Variants in CCBE1 observed in about 807,000 individuals in gnomAD.
CCBE1 encodes the protein collagen and calcium-binding EGF domain-containing protein 1.
A neutral mutation model predicts 50.0 loss-of-function variants in CCBE1; 37 were observed. The ratio of observed to expected loss-of-function variants is 0.74; its 90% CI spans 0.57 to 0.97. CCBE1 has a LOEUF of 0.97. Among genes scored for constraint, CCBE1 ranks in the 50% least tolerant of loss-of-function variants. The probability of loss-of-function intolerance (pLI) is 0.00; values close to 1 mark genes in which losing one functional copy is unlikely to be tolerated. For missense variants in CCBE1, 538 were observed against 523.8 expected (o/e 1.03, Z -0.26); for synonymous variants, 234 against 203.7 (o/e 1.15, Z -1.27).
chr18:59,573,301 ATG>A lies in CCBE1; in HGVS notation c.213-93065_213-93064del, dbSNP rs71177043. ...CTCCGTCTAATATATATATATATAT[ATG>A]TATGTATGTGATAGGCCTCATCCAA... On this transcript the variant is annotated intron_variant, in intron 2 of 10. Coordinates refer to ENST00000439986, the MANE Select transcript of CCBE1 (RefSeq NM_133459.4). Among the ~76,000 whole-genome samples, 906 of 122,666 alleles carry A rather than the reference ATG, an allele frequency of 7.4e-3. 49 individuals carry two copies. The highest frequency in any genetic ancestry group is 0.037 in the African/African-American group (857 of 23,104). 80.5% of individuals were successfully genotyped at this position (122,666 alleles called of 152,430 possible).
intron 2 of CCBE1, among the ~76,000 whole-genome samples, chr18:59,653,190 A>G (rs1021095726): frequency 6.6e-6 from 1 of 152,140 alleles, no homozygotes; most frequent in Non-Finnish European, 1.5e-5. Context: ...AGCCCTCTCC[A>G]AGAAGGACAT....
chr18:59,523,996 C>T (rs754481982), intron 2 of CCBE1, among the ~76,000 whole-genome samples: 10 of 152,140 alleles, frequency 6.6e-5, no homozygotes, highest in African/African-American at 1.4e-4. Context: ...GCTCCTTTAC[C>T]GAAACAAGCC....
chr18:59,697,499 A>C, upstream of CCBE1: 12 of 953,854 alleles, frequency 1.3e-5, no homozygotes, highest in East Asian at 2.7e-5. Flanking sequence ...CCGGAATATT[A>C]TGGGGCTGGG....
In CCBE1 at chr18:59,591,016, G is replaced by T. The variant is rs532387452; in HGVS notation, c.212+105613C>A. Among the ~76,000 whole-genome samples the T allele has an allele frequency of 6.1e-5, 2 of 32,628 alleles. 1 individual carries two copies. The highest frequency in any genetic ancestry group is 4.9e-3 in the East Asian group (2 of 410). The allele number at this position is 32,628 out of a possible 152,430, so 21.4% of individuals were successfully genotyped here. Reference sequence around the variant, plus strand: ...TCCCAGCACTTTGGGAGGCCGAGGCGGGTGGATCACGAGGTCAGGAGATCG... The same window carrying T: ...TCCCAGCACTTTGGGAGGCCGAGGCTGGTGGATCACGAGGTCAGGAGATCG... On this transcript the variant is annotated intron_variant, in intron 2 of 10. Coordinates refer to ENST00000439986, the MANE Select transcript of CCBE1 (RefSeq NM_133459.4).
chr18:59,676,035 G>T (rs2054497306), intron 2 of CCBE1, among the ~76,000 whole-genome samples: 1 of 152,172 alleles, frequency 6.6e-6, no homozygotes, highest in East Asian at 1.9e-4. Flanking sequence ...AAAACAGCAA[G>T]AACTATAATC....
chr18:59,463,723 C>T (rs976328505), intron 5 of CCBE1, among the ~76,000 whole-genome samples: 2 of 152,182 alleles, frequency 1.3e-5, no homozygotes, highest in African/African-American at 2.4e-5. Flanking sequence ...CTCAACCTAA[C>T]CCCCAGCAGT....
chr18:59,695,274 G>A (rs1235030916), intron 2 of CCBE1, among the ~76,000 whole-genome samples: 1 of 152,118 alleles, frequency 6.6e-6, no homozygotes, highest in Non-Finnish European at 1.5e-5. Flanking sequence ...TGAAAGACAC[G>A]GCTGGAACCA....
intron 2 of CCBE1, among the ~76,000 whole-genome samples, chr18:59,632,562 C>T (rs1225922606): frequency 6.6e-6 from 1 of 151,978 alleles, no homozygotes; most frequent in Admixed American, 6.6e-5. Context: ...GCGTGAGCCA[C>T]TGTGCCCAGC....
chr18:59,630,902 T>C (rs1042716006), intron 2 of CCBE1, among the ~76,000 whole-genome samples: 10 of 152,220 alleles, frequency 6.6e-5, no homozygotes, highest in African/African-American at 2.4e-4. Flanking sequence ...GATCTAGCAA[T>C]GTGCAAACAC....
intron 2 of CCBE1, among the ~76,000 whole-genome samples, chr18:59,531,437 A>G (rs1014054273): frequency 2.0e-5 from 3 of 152,164 alleles, no homozygotes; most frequent in Non-Finnish European, 4.4e-5. Flanking sequence ...GTGAGAGAGG[A>G]GCCAAAAAAA....
At position 59,585,280 on chromosome 18, in the gene CCBE1, C is replaced by A. The variant is rs375263955; in HGVS notation, c.213-105042G>T. 1.8e-4 allele frequency among the ~76,000 whole-genome samples: 28 copies of A among 152,070 alleles called. 1 individual carries two copies. The highest frequency in any genetic ancestry group is 1.2e-3 in the Admixed American group (19 of 15,274). On this transcript the variant is annotated intron_variant, in intron 2 of 10. Transcript: ENST00000439986. ...TCTCTCTGTTACAAGCCCTCTTATC[C>A]CCCATGTAATCACCTTCATGGCACT...
At chr18:59,621,021 C>T (rs1599071407) in intron 2 of CCBE1, among the ~76,000 whole-genome samples, 1 of 152,172 alleles carries the variant, frequency 6.6e-6, no homozygotes, top group Non-Finnish European at 1.5e-5. Context: ...CAGAGTTCAA[C>T]TTGGCATGTG....
intron 2 of CCBE1, among the ~76,000 whole-genome samples, chr18:59,506,564 G>T (rs775271221): frequency 1.1e-4 from 16 of 152,204 alleles, no homozygotes; most frequent in Non-Finnish European, 2.2e-4. Context: ...TCAAAGGATA[G>T]AGCCCATCTG....
intron 2 of CCBE1, among the ~76,000 whole-genome samples, chr18:59,622,616 C>T (rs942686721): frequency 2.6e-5 from 4 of 151,638 alleles, no homozygotes; most frequent in Admixed American, 1.3e-4. Context: ...GCCTGACCAA[C>T]GTGGTGAAAC....
At chr18:59,548,954 T>G (rs1168975344) in intron 2 of CCBE1, among the ~76,000 whole-genome samples, 2 of 151,902 alleles carry the variant, frequency 1.3e-5, no homozygotes, top group East Asian at 3.9e-4. Context: ...AATACAAAAA[T>G]TAGCCGGGCA....
chr18:59,628,049 C>T (rs2053809651), intron 2 of CCBE1, among the ~76,000 whole-genome samples: 1 of 151,990 alleles, frequency 6.6e-6, no homozygotes, highest in Non-Finnish European at 1.5e-5. Context: ...CCCGTCTCTA[C>T]AAAAAATACA....
intron 2 of CCBE1, among the ~76,000 whole-genome samples, chr18:59,605,225 T>C (rs915737368): frequency 1.3e-5 from 2 of 152,210 alleles, no homozygotes; most frequent in African/African-American, 4.8e-5. Context: ...TTTGATCTTT[T>C]TGATAAAACA....
chr18:59,677,850 T>G (rs908978744), intron 2 of CCBE1, among the ~76,000 whole-genome samples: 1 of 151,266 alleles, frequency 6.6e-6, no homozygotes, highest in Admixed American at 6.6e-5. Context: ...CAAAAGGGAG[T>G]GAGTGGGGAT....
intron 2 of CCBE1, among the ~76,000 whole-genome samples, chr18:59,509,970 C>T (rs1914061335): frequency 6.6e-6 from 1 of 152,184 alleles, no homozygotes; most frequent in Non-Finnish European, 1.5e-5. Flanking sequence ...GGACACCAGG[C>T]TGCCAGAGGC....
Sources: gnomAD v4.1 joint callset for allele counts (sites outside exome capture counted in the v4.1 genomes callset) on GRCh38, gnomAD v4.1.1 for gene constraint, MANE v1.5 for transcripts, NCBI Gene and HGNC (gene_info 2026-07-23, HGNC 2026-07-21) for gene names.